The following PCDHA1 variants were observed in gnomAD, a reference collection of about 807,000 sequenced individuals.
PCDHA1 encodes the protein protocadherin alpha 1.
Under a neutral mutation model 61.3 loss-of-function variants are expected in PCDHA1, and 42 were observed. The observed-to-expected ratio is 0.69, with a 90% CI of 0.54 to 0.89. The LOEUF (loss-of-function observed/expected upper bound fraction) is 0.89, where lower values mean the gene tolerates loss of function less well. Among genes scored for constraint, PCDHA1 ranks in the 40% least tolerant of loss-of-function variants. The pLI, the probability that PCDHA1 is intolerant of heterozygous loss-of-function variation, is 0.00. For missense variants in PCDHA1, 1,256 were observed against 1,235.3 expected (o/e 1.02, Z -0.25); for synonymous variants, 610 against 553.8 (o/e 1.10, Z -1.43).
chr5:140,876,473 G>A, intron 1 of PCDHA1: 1 of 1,614,038 alleles, frequency 6.2e-7, no homozygotes, highest in South Asian at 1.1e-5. Context: ...GCAGGTCACA[G>A]CATGGTCCTG....
At chr5:140,894,296 C>T (rs1434101692) in intron 1 of PCDHA1, among the ~76,000 whole-genome samples, 4 of 151,798 alleles carry the variant, frequency 2.6e-5, no homozygotes, top group African/African-American at 4.8e-5. Flanking sequence ...AGTTTATTTT[C>T]CTGGAAAGTT....
intron 3 of PCDHA1, among the ~76,000 whole-genome samples, chr5:140,990,715 A>G (rs927680875): frequency 1.3e-5 from 2 of 152,194 alleles, no homozygotes; most frequent in Non-Finnish European, 2.9e-5. Context: ...GGATAAGAGC[A>G]TCACTAGGTA....
chr5:140,985,163 T>G (rs1045171380), intron 3 of PCDHA1, among the ~76,000 whole-genome samples: 7 of 152,096 alleles, frequency 4.6e-5, no homozygotes, highest in South Asian at 2.1e-4. Flanking sequence ...TGTCTCAATC[T>G]CCTGACCTCG....
rs113486331 is a variant in PCDHA1, at chr5:140,935,958, T to C, written c.2395-42991T>C. ...CCCAGGCTGGAGTAAAGTGGTACAATCTTGGCTCACTGCAATCTCTGCCTC... is the reference window on the plus strand; with the variant it reads ...CCCAGGCTGGAGTAAAGTGGTACAACCTTGGCTCACTGCAATCTCTGCCTC... On this transcript the variant is annotated intron_variant, in intron 1 of 3. Coordinates refer to ENST00000504120, the MANE Select transcript of PCDHA1 (RefSeq NM_018900.4). Among the ~76,000 whole-genome samples the C allele has an allele frequency of 4.3e-3, 649 of 149,438 alleles. 7 individuals are homozygous for C. The highest frequency in any genetic ancestry group is 0.015 in the African/African-American group (604 of 40,738).
Position 140,874,848 on chromosome 5 carries a change from T to G in PCDHA1, c.2394+86164T>G, listed in dbSNP as rs143666233. ...GAAATATTGTTTGGTATTAGACATATTTTAGTTTCTTATCCTTTGTTAAAT... is the reference window on the plus strand; with the variant it reads ...GAAATATTGTTTGGTATTAGACATAGTTTAGTTTCTTATCCTTTGTTAAAT... On this transcript the variant is annotated intron_variant, in intron 1 of 3. Transcript: ENST00000504120. Among the ~76,000 whole-genome samples the G allele has an allele frequency of 6.0e-4, 92 of 152,344 alleles. 1 individual carries two copies. The East Asian group carries it at 0.017, about 27-fold the overall frequency.
At chr5:140,979,779 G>C (rs778402540) in intron 2 of PCDHA1, among the ~76,000 whole-genome samples, 1 of 152,186 alleles carries the variant, frequency 6.6e-6, no homozygotes, top group Non-Finnish European at 1.5e-5. Flanking sequence ...AAATGGGAAG[G>C]ACCAAGAAAC....
intron 1 of PCDHA1, chr5:140,877,334 C>G (rs375199455): frequency 3.1e-6 from 5 of 1,613,884 alleles, no homozygotes; most frequent in African/African-American, 1.3e-5. Flanking sequence ...GCGCACATCC[C>G]GTTCCACGTG....
chr5:140,877,325 C>G lies in PCDHA1; in HGVS notation c.2394+88641C>G. 1.2e-6 allele frequency: 2 copies of G among 1,613,974 alleles called. No individual in the cohort carries two copies. Among genetic ancestry groups the G allele is most frequent in the Non-Finnish European group, 1.7e-6 (2 of 1,179,864 alleles). The stretch of plus-strand genomic sequence containing the variant: ...GAGTTGCAACCGGCGGCGGTCGGCG[C>G]GCACATCCCGTTCCACGTGGGGCTG... On this transcript the variant is annotated intron_variant, in intron 1 of 3. Transcript: ENST00000504120.
chr5:140,902,859 A>G (rs964505072), intron 1 of PCDHA1, among the ~76,000 whole-genome samples: 18 of 152,208 alleles, frequency 1.2e-4, no homozygotes, highest in African/African-American at 4.3e-4. Context: ...AATGGCGTCC[A>G]GGTCCACCCA....
chr5:140,820,446 G>T (rs1554127843), intron 1 of PCDHA1, among the ~76,000 whole-genome samples: 2 of 151,820 alleles, frequency 1.3e-5, no homozygotes, highest in African/African-American at 4.8e-5. Context: ...TAATCTCTTG[G>T]TCCCTCTTGT....
chr5:140,808,809 G>T, intron 1 of PCDHA1: 6 of 1,612,748 alleles, frequency 3.7e-6, no homozygotes, highest in Non-Finnish European at 5.1e-6. Flanking sequence ...CGCGATGCCG[G>T]CGTGCCACCT....
rs201652283 is a variant in PCDHA1, at chr5:141,009,916, G to A, written c.2832G>A (p.Thr944=). The A allele has an allele frequency of 4.3e-6, 7 of 1,611,506 alleles. No homozygotes were observed. The highest frequency in any genetic ancestry group is 2.2e-5 in the East Asian group (1 of 44,862). ...TQEKKEKGNS[T]TDNSDQ is the part of the protein sequence containing the mutation. The stretch of plus-strand genomic sequence containing the variant: ...AGAAAAAAGAGAAAGGGAACAGCAC[G>A]ACTGACAACAGTGACCAGTGAGGTC... Residue 944 remains threonine (T), a synonymous_variant, in exon 4 of 4, where the codon ACG becomes ACA. Coordinates refer to ENST00000504120, the MANE Select transcript of PCDHA1 (RefSeq NM_018900.4).
intron 1 of PCDHA1, among the ~76,000 whole-genome samples, chr5:140,964,060 G>A (rs1187796756): frequency 6.6e-6 from 1 of 152,200 alleles, no homozygotes; most frequent in Non-Finnish European, 1.5e-5. Context: ...GTGTGGTCAA[G>A]GCATTAGTGT....
chr5:140,794,868 G>A (rs1192703326), intron 1 of PCDHA1: 28 of 1,321,244 alleles, frequency 2.1e-5, no homozygotes, highest in Non-Finnish European at 2.9e-5. Context: ...GAGAAGCGGA[G>A]GAATAAGAGA....
At chr5:140,899,964 T>A (rs543512832) in intron 1 of PCDHA1, among the ~76,000 whole-genome samples, 3 of 151,824 alleles carry the variant, frequency 2.0e-5, no homozygotes, top group African/African-American at 7.3e-5. Flanking sequence ...TGTGCTGCCA[T>A]GCCCAGCTAC....
chr5:140,857,662 T>C lies in PCDHA1; in HGVS notation c.2394+68978T>C, dbSNP rs782577621. The C allele has an allele frequency of 7.5e-6, 12 of 1,596,412 alleles. 2 individuals are homozygous for C. The highest frequency in any genetic ancestry group is 6.7e-5 in the African/African-American group (5 of 74,166). On this transcript the variant is annotated intron_variant, in intron 1 of 3. Transcript: ENST00000504120. ...TACAGTTCCAGGTGAGCGCGCGCGA[T>C]GGGGGCGTGCCGCCTCTGGGCAGCA...
intron 1 of PCDHA1, among the ~76,000 whole-genome samples, chr5:140,844,226 G>A (rs1049637065): frequency 1.3e-5 from 2 of 149,336 alleles, no homozygotes; most frequent in Non-Finnish European, 3.0e-5. Flanking sequence ...AATATCTTTG[G>A]TGTTTCACTA....
At chr5:140,922,068 A>C (rs1554200634) in intron 1 of PCDHA1, among the ~76,000 whole-genome samples, 1 of 152,196 alleles carries the variant, frequency 6.6e-6, no homozygotes, top group African/African-American at 2.4e-5. Context: ...TAGCAATCCC[A>C]CTAAGCAAAA....
At chr5:140,812,188 A>G (rs1284856498) in intron 1 of PCDHA1, 2 of 132,336 alleles carry the variant, frequency 1.5e-5, no homozygotes, top group African/African-American at 6.0e-5. Context: ...TACTGATTCA[A>G]TCTCCTTACT....
Sources: allele counts gnomAD v4.1 joint callset (sites outside exome capture counted in the v4.1 genomes callset), GRCh38; gene constraint gnomAD v4.1.1; transcripts MANE v1.5; gene names NCBI Gene and HGNC (gene_info 2026-07-23, HGNC 2026-07-21).